Variants in WAPL observed in about 807,000 individuals in gnomAD.
WAPL encodes wings apart-like protein homolog.
In WAPL, 5 loss-of-function variants were observed where a neutral mutation model predicts 121.0. That is an observed-to-expected ratio of 0.04 (90% CI 0.02 to 0.09). The LOEUF (loss-of-function observed/expected upper bound fraction) is 0.09, where lower values mean the gene tolerates loss of function less well. WAPL is among the 10% of genes least tolerant of loss of function. WAPL has a pLI of 1.00. For synonymous variants in WAPL, 480 were observed against 481.5 expected (o/e 1.00, Z 0.04); for missense variants, 999 against 1,410.8 (o/e 0.71, Z 4.68).
chr10:86,501,947 C>T (rs562695374), intron 2 of WAPL, among the ~76,000 whole-genome samples: 3 of 152,360 alleles, frequency 2.0e-5, no homozygotes, highest in Admixed American at 6.5e-5. Flanking sequence ...CTGCCTCTGC[C>T]TCCCAAAGTG....
intron 4 of WAPL, among the ~76,000 whole-genome samples, chr10:86,486,877 G>A (rs1841940293): frequency 2.0e-5 from 3 of 152,110 alleles, no homozygotes; most frequent in African/African-American, 7.2e-5. Flanking sequence ...AATCACTTGA[G>A]CCCAGGAAGT....
chr10:86,519,119 T>G (rs1470027608), intron 1 of WAPL, among the ~76,000 whole-genome samples: 1 of 142,978 alleles, frequency 7.0e-6, no homozygotes, highest in African/African-American at 2.5e-5. Flanking sequence ...ACCTGATTTA[T>G]CTACTTCACA....
chr10:86,450,859 A>G (rs1219928370), intron 15 of WAPL, among the ~76,000 whole-genome samples: 1 of 152,268 alleles, frequency 6.6e-6, no homozygotes. Flanking sequence ...TATAGTCAAC[A>G]TTCAATCACA....
intron 4 of WAPL, among the ~76,000 whole-genome samples, chr10:86,491,733 T>TAAA (rs764600747): frequency 1.5e-5 from 2 of 131,032 alleles, no homozygotes; most frequent in Admixed American, 7.7e-5. Context: ...AACTTCAACT[T>TAAA]AAAAAAAAAA....
intron 4 of WAPL, among the ~76,000 whole-genome samples, chr10:86,483,483 GACTATTA>G (rs1841842770): frequency 6.6e-6 from 1 of 151,454 alleles, no homozygotes; most frequent in African/African-American, 2.4e-5. Context: ...GACAATGAAT[GACTATTA>G]ACAATAGCAG....
Position 86,443,375 on chromosome 10 carries a change from G to GA in WAPL, c.3323-13dup. 1 of 1,612,758 alleles carries GA rather than the reference G, an allele frequency of 6.2e-7. No homozygotes were observed. The highest frequency in any genetic ancestry group is 8.5e-7 in the Non-Finnish European group (1 of 1,178,986). ...GGCATGCTGAAGGGCTGAGAGAATT[G>GA]AAGTAAAGAATTGTAACAGTATATT... On this transcript the variant is annotated splice_polypyrimidine_tract_variant and intron_variant, in intron 16 of 18. Transcript: ENST00000298767.
At position 86,436,505 on chromosome 10, in the gene WAPL, G is replaced by A. The variant is rs546305038; in HGVS notation, c.*1038C>T. ...ACTGTTTTTCAAATAACTGCTCTAC[G>A]AACAAAGAATCTGAATGAAAAAAGG... On this transcript the variant is annotated 3_prime_UTR_variant, in exon 19 of 19. Transcript: ENST00000298767. 8 of 152,564 alleles carry A rather than the reference G, an allele frequency of 5.2e-5. No individual in the cohort carries two copies. Among genetic ancestry groups the A allele is most frequent in the South Asian group, 4.1e-4 (2 of 4,822 alleles). The allele number at this position is 152,564 out of a possible 1,614,324, so 9.5% of individuals were successfully genotyped here.
Position 86,484,389 on chromosome 10 carries a change from G to C in WAPL, c.1645-10416C>G, listed in dbSNP as rs556870089. ...GTCCACCTGTAGTCCCAGCTACTAGGGACGCTGAGGTGGGAGGATCAGTTG... is the reference window on the plus strand; with the variant it reads ...GTCCACCTGTAGTCCCAGCTACTAGCGACGCTGAGGTGGGAGGATCAGTTG... On this transcript the variant is annotated intron_variant, in intron 4 of 18. Transcript: ENST00000298767. 9.9e-5 allele frequency among the ~76,000 whole-genome samples: 15 copies of C among 152,202 alleles called. No homozygotes were observed. The East Asian group carries it at 2.7e-3, about 27-fold the overall frequency.
At chr10:86,466,215 C>T (rs1841391696) in intron 9 of WAPL, among the ~76,000 whole-genome samples, 2 of 152,140 alleles carry the variant, frequency 1.3e-5, no homozygotes, top group Non-Finnish European at 2.9e-5. Flanking sequence ...CAGGGTTCTT[C>T]AAGTCCCATG....
intron 3 of WAPL, among the ~76,000 whole-genome samples, chr10:86,498,138 T>C (rs931641748): frequency 6.6e-6 from 1 of 152,324 alleles, no homozygotes; most frequent in South Asian, 2.1e-4. Flanking sequence ...TCTTTAAAAG[T>C]TGTATTACAC....
chr10:86,450,285 G>A (rs185283694), intron 15 of WAPL, among the ~76,000 whole-genome samples: 4 of 152,130 alleles, frequency 2.6e-5, no homozygotes, highest in African/African-American at 7.2e-5. Context: ...GCCCAGGCTG[G>A]AGCACAGTAC....
intron 1 of WAPL, among the ~76,000 whole-genome samples, chr10:86,520,781 A>G (rs1842659842): frequency 6.6e-6 from 1 of 151,668 alleles, no homozygotes; most frequent in East Asian, 1.9e-4. Flanking sequence ...AAAAAAAAAA[A>G]AAAAAAAAAG....
chr10:86,484,166 T>C (rs1362502076), intron 4 of WAPL, among the ~76,000 whole-genome samples: 5 of 152,214 alleles, frequency 3.3e-5, no homozygotes, highest in African/African-American at 1.2e-4. Context: ...AGCCAAAAAG[T>C]TTTAAACAAA....
intron 4 of WAPL, among the ~76,000 whole-genome samples, chr10:86,480,586 AGAT>A (rs1264729299): frequency 5.9e-5 from 9 of 152,338 alleles, no homozygotes; most frequent in South Asian, 2.1e-4. Context: ...TGTATTAGAA[AGAT>A]GATTATCAAA....
chr10:86,478,246 C>T lies in WAPL; in HGVS notation c.1645-4273G>A, dbSNP rs557657951. Among the ~76,000 whole-genome samples the T allele has an allele frequency of 1.1e-4, 16 of 151,908 alleles. No individual in the cohort carries two copies. In the East Asian group the frequency reaches 2.1e-3, roughly 20 times the overall value. On this transcript the variant is annotated intron_variant, in intron 4 of 18. Coordinates refer to ENST00000298767, the MANE Select transcript of WAPL (RefSeq NM_015045.5). Reference sequence around the variant, plus strand: ...GGAGTTTGAGACAGCCTGTGCAACACGGTGAAACTCAGTCTCTACAAAAAA... The same window carrying T: ...GGAGTTTGAGACAGCCTGTGCAACATGGTGAAACTCAGTCTCTACAAAAAA...
chr10:86,461,782 ACC>A (rs1841280920), intron 9 of WAPL, among the ~76,000 whole-genome samples: 1 of 152,232 alleles, frequency 6.6e-6, no homozygotes, highest in African/African-American at 2.4e-5. Flanking sequence ...AACGACAGTA[ACC>A]TTGAACAGTT....
chr10:86,473,690 TCTG>T (rs1391824761), intron 5 of WAPL, among the ~76,000 whole-genome samples, 185 bp downstream of exon 5: 1 of 152,224 alleles, frequency 6.6e-6, no homozygotes, highest in Admixed American at 6.5e-5. Context: ...CACTAGAATT[TCTG>T]CTATCTTACT....
At chr10:86,467,988 A>C (rs1194905050) in intron 8 of WAPL, among the ~76,000 whole-genome samples, 1 of 150,664 alleles carries the variant, frequency 6.6e-6, no homozygotes, top group African/African-American at 2.4e-5. Context: ...CCTCTCTAAA[A>C]ATATTCTGAA....
intron 11 of WAPL, among the ~76,000 whole-genome samples, 181 bp downstream of exon 11, chr10:86,460,218 T>C (rs1261092854): frequency 6.6e-6 from 1 of 152,232 alleles, no homozygotes; most frequent in East Asian, 1.9e-4. Context: ...TCTTAAAATA[T>C]AAAACTACTC....
Sources: allele counts gnomAD v4.1 joint callset (sites outside exome capture counted in the v4.1 genomes callset), GRCh38; gene constraint gnomAD v4.1.1; transcripts MANE v1.5; gene names NCBI Gene and HGNC (gene_info 2026-07-23, HGNC 2026-07-21).